NRXN3: variants seen among roughly 807,000 people sequenced by gnomAD.
NRXN3 encodes neurexin 3.
In NRXN3, 32 loss-of-function variants were observed where a neutral mutation model predicts 137.6. The ratio of observed to expected loss-of-function variants is 0.23; its 90% CI spans 0.18 to 0.31. The LOEUF (loss-of-function observed/expected upper bound fraction) is 0.31. Ranked by LOEUF, NRXN3 falls within the 10% of genes least tolerant of loss-of-function variation. The probability of loss-of-function intolerance (pLI) is 1.00; values close to 1 mark genes in which losing one functional copy is unlikely to be tolerated. For missense variants in NRXN3, 1,574 were observed against 2,062.5 expected (o/e 0.76, Z 4.59); for synonymous variants, 798 against 784.5 (o/e 1.02, Z -0.29).
chr14:78,222,773 G>C (rs991482328), intron 1 of NRXN3, among the ~76,000 whole-genome samples: 2 of 152,180 alleles, frequency 1.3e-5, no homozygotes, highest in African/African-American at 2.4e-5. Flanking sequence ...TCTCTTTGCA[G>C]AGCCTCTCAC....
intron 8 of NRXN3, among the ~76,000 whole-genome samples, chr14:78,728,409 T>C (rs2098497381): frequency 1.3e-5 from 2 of 152,204 alleles, no homozygotes; most frequent in South Asian, 4.1e-4. Context: ...CCTGATCATC[T>C]TGAAGAAGGG....
At chr14:78,792,075 A>G (rs373384272) in intron 8 of NRXN3, among the ~76,000 whole-genome samples, 36 of 152,120 alleles carry the variant, frequency 2.4e-4, no homozygotes, top group African/African-American at 8.4e-4. Flanking sequence ...AAAAGCTTAG[A>G]AAAGTCAAAT....
chr14:79,060,005 T>C (rs2099672227), intron 15 of NRXN3, among the ~76,000 whole-genome samples: 1 of 152,216 alleles, frequency 6.6e-6, no homozygotes, highest in African/African-American at 2.4e-5. Flanking sequence ...CAGAATTTTT[T>C]TGGGTGAACC....
chr14:78,844,601 T>G (rs1236474653), intron 10 of NRXN3, among the ~76,000 whole-genome samples: 1 of 152,164 alleles, frequency 6.6e-6, no homozygotes, highest in Non-Finnish European at 1.5e-5. Context: ...TGTATTTATA[T>G]ATATGTAAAG....
intron 4 of NRXN3, among the ~76,000 whole-genome samples, chr14:78,365,254 T>A (rs780578770): frequency 1.5e-4 from 23 of 152,162 alleles, no homozygotes; most frequent in Non-Finnish European, 1.5e-5. Context: ...TTTTAACTGA[T>A]GTGGATGTGC....
At chr14:78,834,601 G>C (rs1459161699) in intron 10 of NRXN3, among the ~76,000 whole-genome samples, 1 of 152,140 alleles carries the variant, frequency 6.6e-6, no homozygotes, top group Non-Finnish European at 1.5e-5. Context: ...AGGTAACCAG[G>C]TGAGGAGGCT....
At chr14:78,369,557 C>G (rs2086502167) in intron 4 of NRXN3, among the ~76,000 whole-genome samples, 1 of 152,098 alleles carries the variant, frequency 6.6e-6, no homozygotes, top group Non-Finnish European at 1.5e-5. Flanking sequence ...TGCTCCTGGC[C>G]TCCTCTTTGT....
At chr14:79,069,734 T>G (rs1365320035) in intron 15 of NRXN3, among the ~76,000 whole-genome samples, 2 of 152,122 alleles carry the variant, frequency 1.3e-5, no homozygotes, top group East Asian at 3.9e-4. Context: ...TGACACACTG[T>G]GATCATTACA....
chr14:79,621,536 C>A (rs1215419627), intron 16 of NRXN3, among the ~76,000 whole-genome samples: 1 of 152,162 alleles, frequency 6.6e-6, no homozygotes, highest in Non-Finnish European at 1.5e-5. Context: ...AGTTTATAGA[C>A]TCTTGAATCT....
At chr14:79,136,447 T>C (rs2620394) in intron 15 of NRXN3, among the ~76,000 whole-genome samples, 2,687 of 152,320 alleles carry the variant, frequency 0.018, 77 homozygotes, top group African/African-American at 0.062. Context: ...ACACTCAAAA[T>C]GAATAAGTGA....
At position 79,531,158 on chromosome 14, in the gene NRXN3, T is replaced by C. The variant is rs913604925; in HGVS notation, c.3444+63756T>C. 1.5e-4 allele frequency among the ~76,000 whole-genome samples: 23 copies of C among 152,306 alleles called. 1 individual carries two copies. Among genetic ancestry groups the C allele is most frequent in the Admixed American group, 5.9e-4 (9 of 15,298 alleles). The stretch of plus-strand genomic sequence containing the variant: ...TCCTCCTTCCCAATCCTCTTTGAAG[T>C]AGGAAAGTCCCATTGCTTCCGTTTA... On this transcript the variant is annotated intron_variant, in intron 16 of 20. Transcript: ENST00000335750.
chr14:78,353,875 G>A (rs983231542), intron 4 of NRXN3, among the ~76,000 whole-genome samples: 1 of 152,176 alleles, frequency 6.6e-6, no homozygotes, highest in Non-Finnish European at 1.5e-5. Context: ...CAGTCACAGT[G>A]CACTGGGTAG....
At chr14:79,128,770 A>G (rs560298383) in intron 15 of NRXN3, among the ~76,000 whole-genome samples, 12 of 152,032 alleles carry the variant, frequency 7.9e-5, no homozygotes, top group Middle Eastern at 6.8e-3. Flanking sequence ...TCCTCCTTGT[A>G]CCTCTGGTAG....
At chr14:78,315,683 G>T (rs1442749609) in intron 4 of NRXN3, among the ~76,000 whole-genome samples, 1 of 152,210 alleles carries the variant, frequency 6.6e-6, no homozygotes, top group Non-Finnish European at 1.5e-5. Flanking sequence ...CTTAGCTTGA[G>T]TTGATGGAGT....
At chr14:78,745,444 C>T (rs1029115782) in intron 8 of NRXN3, 5 of 152,184 alleles carry the variant, frequency 3.3e-5, no homozygotes, top group Non-Finnish European at 7.3e-5. Context: ...TACATTAATG[C>T]CTTCCATATT....
intron 15 of NRXN3, among the ~76,000 whole-genome samples, chr14:79,164,565 C>T (rs1163205712): frequency 6.6e-6 from 1 of 151,924 alleles, no homozygotes; most frequent in Non-Finnish European, 1.5e-5. Flanking sequence ...TTTTGAAATG[C>T]TACACTCACA....
intron 10 of NRXN3, among the ~76,000 whole-genome samples, chr14:78,826,303 C>T (rs947204680): frequency 3.3e-5 from 5 of 152,096 alleles, no homozygotes; most frequent in African/African-American, 1.2e-4. Context: ...GCACTCACGA[C>T]CCCACCCCAC....
At chr14:78,712,609 T>C (rs1368439923) in intron 7 of NRXN3, among the ~76,000 whole-genome samples, 3 of 152,212 alleles carry the variant, frequency 2.0e-5, no homozygotes, top group Non-Finnish European at 4.4e-5. Context: ...GCCACCCAGC[T>C]TGGAGTGCAG....
chr14:79,512,477 G>A (rs1450289510), intron 16 of NRXN3, among the ~76,000 whole-genome samples: 1 of 152,166 alleles, frequency 6.6e-6, no homozygotes, highest in African/African-American at 2.4e-5. Context: ...ACACTTTTAT[G>A]ATAAAAATAT....
Sources: gnomAD v4.1 joint callset for allele counts (sites outside exome capture counted in the v4.1 genomes callset) on GRCh38, gnomAD v4.1.1 for gene constraint, MANE v1.5 for transcripts, NCBI Gene and HGNC (gene_info 2026-07-23, HGNC 2026-07-21) for gene names.